UNC79: variants seen among roughly 807,000 people sequenced by gnomAD.
The protein encoded by UNC79 is protein unc-79 homolog.
In UNC79, 37 loss-of-function variants were observed where a neutral mutation model predicts 283.1. That is an observed-to-expected ratio of 0.13 (90% CI 0.10 to 0.17). UNC79 has a LOEUF of 0.17. Ranked by LOEUF, UNC79 falls within the 10% of genes least tolerant of loss-of-function variation. UNC79 has a pLI of 1.00. For synonymous variants in UNC79, 1,107 were observed against 1,200.2 expected (o/e 0.92, Z 1.61); for missense variants, 2,272 against 3,211.1 (o/e 0.71, Z 7.07).
chr14:93,594,814 C>G (rs1039320948), intron 23 of UNC79, among the ~76,000 whole-genome samples: 4 of 152,030 alleles, frequency 2.6e-5, no homozygotes, highest in African/African-American at 7.2e-5. Context: ...GTCGGCATGC[C>G]ACAGTGTGGC....
At chr14:93,643,902 G>A (rs184597595) in intron 34 of UNC79, among the ~76,000 whole-genome samples, 6 of 152,336 alleles carry the variant, frequency 3.9e-5, no homozygotes, top group Non-Finnish European at 8.8e-5. Flanking sequence ...GAGTCACAAT[G>A]TCAGAGCAAA....
chr14:93,430,162 C>G (rs1203439634), upstream of UNC79, among the ~76,000 whole-genome samples: 1 of 152,132 alleles, frequency 6.6e-6, no homozygotes, highest in Admixed American at 6.5e-5. The surrounding 1 kb of genome is among the most constrained non-coding windows in gnomAD (Gnocchi z 4.6). Flanking sequence ...TGGGGTCTTC[C>G]TGTCTTCAGT....
exon 12 of UNC79, chr14:93,538,193 G>C (rs1399856788): frequency 6.2e-7 from 1 of 1,606,400 alleles, no homozygotes. Context: ...TGAGGAGCTG[G>C]TCTGCGCCGT....
In UNC79 at chr14:93,524,059, C is replaced by T. The variant is rs757590208; in HGVS notation, c.963+17C>T. ...GCTGTGAAGGTACTGTTTTATTAGA[C>T]CTGGTGCCATACTGTATTGTCAGTG... On this transcript the variant is annotated intron_variant, in intron 8 of 48. Transcript: ENST00000555664. The T allele has an allele frequency of 8.7e-6, 14 of 1,613,528 alleles. No individual in the cohort carries two copies. Among genetic ancestry groups the T allele is most frequent in the Non-Finnish European group, 1.1e-5 (13 of 1,179,620 alleles).
At chr14:93,585,791 G>A (rs575709039) in intron 20 of UNC79, among the ~76,000 whole-genome samples, 3 of 151,860 alleles carry the variant, frequency 2.0e-5, no homozygotes, top group Non-Finnish European at 4.4e-5. Flanking sequence ...ATCTGAATAT[G>A]TTCAACTGTT....
intron 1 of UNC79, among the ~76,000 whole-genome samples, chr14:93,375,709 C>T (rs2054541633): frequency 6.6e-6 from 1 of 152,032 alleles, no homozygotes; most frequent in Non-Finnish European, 1.5e-5. Context: ...GGAGGTGCTG[C>T]ATACTTCTAA....
At chr14:93,618,041 C>A in intron 28 of UNC79, 151 bp from the exon 30 acceptor site, 1 of 815,158 alleles carries the variant, frequency 1.2e-6, no homozygotes, top group Non-Finnish European at 1.8e-6. Flanking sequence ...ATAAATAAGG[C>A]CATGAGCAGA....
rs1054522345 is a variant in UNC79, at chr14:93,419,995, G to A, written c.-350-47676G>A. On this transcript the variant is annotated intron_variant, in intron 1 of 49. Coordinates refer to the UNC79 transcript ENST00000256339. The stretch of plus-strand genomic sequence containing the variant: ...CCTTAAAAACTAAAATAAGTAAATC[G>A]TACCACCAGAGAAAATTATCTTCCC... 2.7e-4 allele frequency among the ~76,000 whole-genome samples: 41 copies of A among 150,772 alleles called. 1 individual carries two copies. Among genetic ancestry groups the A allele is most frequent in the Non-Finnish European group, 4.1e-4 (28 of 67,632 alleles).
upstream of UNC79, chr14:93,333,212 G>A: frequency 2.6e-6 from 1 of 380,464 alleles, no homozygotes; most frequent in Non-Finnish European, 4.6e-6. Flanking sequence ...CGGAGTGCGC[G>A]CGCATTATTT....
chr14:93,658,936 G>A (rs1031489483), intron 38 of UNC79, among the ~76,000 whole-genome samples: 15 of 151,490 alleles, frequency 9.9e-5, no homozygotes, highest in Non-Finnish European at 1.5e-4. Context: ...TAATTTTTAG[G>A]GCTATATCTT....
intron 7 of UNC79, among the ~76,000 whole-genome samples, chr14:93,498,449 G>A (rs1034779396): frequency 1.3e-5 from 2 of 151,702 alleles, no homozygotes; most frequent in African/African-American, 2.4e-5. Context: ...ATTTTAGCCG[G>A]ACGTGGTGGC....
intron 3 of UNC79, among the ~76,000 whole-genome samples, chr14:93,476,250 C>T (rs994161223): frequency 4.9e-4 from 74 of 152,260 alleles, no homozygotes; most frequent in African/African-American, 1.7e-3. Context: ...CACTAGGCAA[C>T]GGTTTTGTCG....
chr14:93,651,340 T>C (rs1421147603), intron 35 of UNC79, among the ~76,000 whole-genome samples: 1 of 152,218 alleles, frequency 6.6e-6, no homozygotes. Context: ...TGGGCTTGTA[T>C]TGAAAGAACA....
chr14:93,604,841 T>G, intron 26 of UNC79, 55 bp from the exon 27 acceptor site: 3 of 1,484,270 alleles, frequency 2.0e-6, no homozygotes, highest in South Asian at 1.3e-5. Context: ...GTATATTTTC[T>G]AGGCTCCAGT....
rs142898171 is a variant in UNC79 at position 93,474,273 on chromosome 14, C to A, written c.328C>A (p.Arg110Ser). 179 of 1,536,078 alleles carry A rather than the reference C, an allele frequency of 1.2e-4. No individual in the cohort carries two copies. The African/African-American group carries it at 2.0e-3, about 17-fold the overall frequency. Residue 110 changes from arginine (R) to serine (S), a missense_variant, in exon 3 of 49, where the codon CGC becomes AGC. Transcript: ENST00000555664. This position sits in a 1 kb window ranked among gnomAD's most constrained non-coding sequence, Gnocchi z 4.1. ...CGTCCTGCGAGATGCTCCCTCAGAA[C>A]GCGGCCCGCAAAGTCGTGATGCTCA...
chr14:93,548,661 C>T (rs1249389915), intron 14 of UNC79, among the ~76,000 whole-genome samples: 2 of 152,144 alleles, frequency 1.3e-5, no homozygotes, highest in African/African-American at 2.4e-5. Context: ...CTCTGTCTTC[C>T]CCATACTTCC....
intron 1 of UNC79, among the ~76,000 whole-genome samples, chr14:93,437,121 GTTATT>G (rs1285130099): frequency 6.6e-6 from 1 of 152,040 alleles, no homozygotes; most frequent in Non-Finnish European, 1.5e-5. Flanking sequence ...TTATGTATAT[GTTATT>G]TTATTTTAAG....
chr14:93,656,247 T>C (rs1054710308), intron 38 of UNC79, among the ~76,000 whole-genome samples: 1 of 152,162 alleles, frequency 6.6e-6, no homozygotes, highest in Non-Finnish European at 1.5e-5. Flanking sequence ...GCTTTGAACC[T>C]GACCTGTTCC....
At chr14:93,536,297 G>A (rs143554229) in intron 11 of UNC79, among the ~76,000 whole-genome samples, 5 of 152,232 alleles carry the variant, frequency 3.3e-5, no homozygotes, top group African/African-American at 1.2e-4. Flanking sequence ...AGTATCTGGA[G>A]TCCTTAGAAA....
Sources: allele counts gnomAD v4.1 joint callset (sites outside exome capture counted in the v4.1 genomes callset), GRCh38; gene constraint gnomAD v4.1.1; non-coding constraint Gnocchi (gnomAD v3.1); transcripts MANE v1.5; gene names NCBI Gene and HGNC (gene_info 2026-07-23, HGNC 2026-07-21).